Variants in GRIK4 observed in about 807,000 individuals in gnomAD.
GRIK4 encodes the protein glutamate receptor ionotropic, kainate 4.
GRIK4 carries 40 observed loss-of-function variants against 104.9 expected under a neutral mutation model. That is an observed-to-expected ratio of 0.38 (90% CI 0.30 to 0.50). The LOEUF (loss-of-function observed/expected upper bound fraction) is 0.50. GRIK4 is among the 20% of genes least tolerant of loss of function. GRIK4 has a pLI of 0.93. For missense variants in GRIK4, 1,047 were observed against 1,308.1 expected (o/e 0.80, Z 3.08); for synonymous variants, 485 against 524.9 (o/e 0.92, Z 1.04).
intron 4 of GRIK4, among the ~76,000 whole-genome samples, chr11:120,810,864 T>C (rs1952814906): frequency 6.6e-6 from 1 of 152,198 alleles, no homozygotes; most frequent in Non-Finnish European, 1.5e-5. Context: ...AAAACTGCGG[T>C]GATTTCTGTG....
intron 8 of GRIK4, among the ~76,000 whole-genome samples, chr11:120,856,718 T>C (rs1042163323): frequency 7.9e-5 from 12 of 152,142 alleles, no homozygotes; most frequent in Non-Finnish European, 4.4e-5. Context: ...TGACCTGGGT[T>C]AGGAGATGAA....
intron 3 of GRIK4, among the ~76,000 whole-genome samples, chr11:120,745,803 T>A (rs1280763443): frequency 1.3e-5 from 2 of 152,150 alleles, no homozygotes; most frequent in Non-Finnish European, 2.9e-5. Context: ...ATAGAGCTTG[T>A]TTTGGACTGT....
intron 5 of GRIK4, among the ~76,000 whole-genome samples, chr11:120,817,877 G>A (rs1244959184): frequency 1.3e-5 from 2 of 152,238 alleles, no homozygotes; most frequent in Non-Finnish European, 2.9e-5. Flanking sequence ...GGAGGAAGGA[G>A]AAAGAGCCTT....
chr11:120,745,794 T>C (rs746475580), intron 3 of GRIK4, among the ~76,000 whole-genome samples: 4 of 152,208 alleles, frequency 2.6e-5, no homozygotes, highest in Non-Finnish European at 4.4e-5. Context: ...GAGAAAGAGA[T>C]AGAGCTTGTT....
At chr11:120,602,095 C>T (rs956487125) in intron 1 of GRIK4, among the ~76,000 whole-genome samples, 2 of 152,074 alleles carry the variant, frequency 1.3e-5, no homozygotes, top group Non-Finnish European at 2.9e-5. Context: ...GCTGCCTTCC[C>T]CGGGCTCTCA....
intron 3 of GRIK4, among the ~76,000 whole-genome samples, chr11:120,697,166 G>T (rs139726767): frequency 6.6e-6 from 1 of 152,302 alleles, no homozygotes; most frequent in Non-Finnish European, 1.5e-5. Context: ...CATGAGTTAC[G>T]CAGTAGGTTC....
In GRIK4 at chr11:120,811,661, G is replaced by A. The variant is rs139024585; in HGVS notation, c.248-3717G>A. On this transcript the variant is annotated intron_variant, in intron 4 of 20. Transcript: ENST00000527524. The stretch of plus-strand genomic sequence containing the variant: ...AAGTACTCTCTGTATTTGCTTAGTT[G>A]TAGCCTTCATATAGATATACATATA... 2.6e-3 allele frequency among the ~76,000 whole-genome samples: 391 copies of A among 152,156 alleles called. 3 individuals are homozygous for A. Among genetic ancestry groups the A allele is most frequent in the African/African-American group, 9.1e-3 (376 of 41,500 alleles).
intron 1 of GRIK4, among the ~76,000 whole-genome samples, chr11:120,540,579 G>A (rs1044129225): frequency 5.3e-5 from 8 of 151,856 alleles, no homozygotes; most frequent in East Asian, 1.9e-4. Flanking sequence ...GTGCCACTGC[G>A]CCCCAGTCTA....
At chr11:120,649,489 TC>T (rs1447087831) in intron 1 of GRIK4, among the ~76,000 whole-genome samples, 1 of 152,178 alleles carries the variant, frequency 6.6e-6, no homozygotes, top group African/African-American at 2.4e-5. Flanking sequence ...CCTCAGGACT[TC>T]CTCTTTGTCA....
At chr11:120,957,950 A>C (rs1944201284) in intron 16 of GRIK4, among the ~76,000 whole-genome samples, 2 of 152,186 alleles carry the variant, frequency 1.3e-5, no homozygotes. Context: ...CCTGGGCGAG[A>C]TGCTTGCCTG....
chr11:120,932,939 A>T (rs1943512845), intron 13 of GRIK4, among the ~76,000 whole-genome samples: 1 of 152,200 alleles, frequency 6.6e-6, no homozygotes, highest in Non-Finnish European at 1.5e-5. Flanking sequence ...AGAAGAGAGG[A>T]TCTGAAAGAG....
intron 13 of GRIK4, among the ~76,000 whole-genome samples, chr11:120,913,010 A>C (rs1008243959): frequency 4.6e-5 from 7 of 152,220 alleles, no homozygotes; most frequent in African/African-American, 7.2e-5. Flanking sequence ...ACCTCTTGAC[A>C]TTTGGGCAGT....
intron 3 of GRIK4, among the ~76,000 whole-genome samples, chr11:120,680,311 C>T (rs1950168165): frequency 6.6e-6 from 1 of 151,514 alleles, no homozygotes; most frequent in African/African-American, 2.4e-5. Flanking sequence ...CTCCTGATCT[C>T]AGGTGATCAA....
chr11:120,600,369 G>A (rs1031468580), intron 1 of GRIK4, among the ~76,000 whole-genome samples: 19 of 152,166 alleles, frequency 1.2e-4, no homozygotes, highest in African/African-American at 4.3e-4. Flanking sequence ...GAAAACTAGA[G>A]TTTTCCTGCG....
chr11:120,759,512 G>A (rs1243164938), intron 3 of GRIK4, among the ~76,000 whole-genome samples: 2 of 151,606 alleles, frequency 1.3e-5, no homozygotes, highest in South Asian at 2.1e-4. Flanking sequence ...GCTATCAGTA[G>A]CATTTTTTTT....
intron 11 of GRIK4, among the ~76,000 whole-genome samples, chr11:120,887,556 A>G (rs1301004099): frequency 6.6e-6 from 1 of 152,178 alleles, no homozygotes; most frequent in African/African-American, 2.4e-5. Flanking sequence ...GCCCAAAAGA[A>G]CTTTGTAATT....
chr11:120,694,584 T>C (rs76003278), intron 3 of GRIK4, among the ~76,000 whole-genome samples: 6,298 of 151,910 alleles, frequency 0.041, 242 homozygotes, highest in East Asian at 0.12. Flanking sequence ...CTGGGGGGCA[T>C]AGTTTGGAAA....
intron 14 of GRIK4, among the ~76,000 whole-genome samples, chr11:120,943,879 T>C (rs1267359484): frequency 6.6e-6 from 1 of 152,190 alleles, no homozygotes; most frequent in Admixed American, 6.5e-5. Context: ...GCCTCTGAAG[T>C]CTAAAGAAAT....
At chr11:120,943,154 C>A (rs1783866) in intron 14 of GRIK4, among the ~76,000 whole-genome samples, 93,243 of 106,570 alleles carry the variant, frequency 0.87, 40,296 homozygotes, top group East Asian at 0.97. Context: ...ACACACACCC[C>A]CCTGACTGTT....
Sources: gnomAD v4.1 joint callset for allele counts (sites outside exome capture counted in the v4.1 genomes callset) on GRCh38, gnomAD v4.1.1 for gene constraint, MANE v1.5 for transcripts, NCBI Gene and HGNC (gene_info 2026-07-23, HGNC 2026-07-21) for gene names.